The following OCA2 variants were observed in gnomAD, a reference collection of about 807,000 sequenced individuals.
OCA2 encodes P protein.
In OCA2, 77 loss-of-function variants were observed where a neutral mutation model predicts 100.2. That is an observed-to-expected ratio of 0.77 (90% CI 0.64 to 0.93). The LOEUF (loss-of-function observed/expected upper bound fraction) is 0.93. Among genes scored for constraint, OCA2 ranks in the 40% least tolerant of loss-of-function variants. The probability of loss-of-function intolerance (pLI) is 0.00; values close to 1 mark genes in which losing one functional copy is unlikely to be tolerated. For synonymous variants in OCA2, 432 were observed against 439.2 expected, an observed-to-expected ratio of 0.98 and a Z score of 0.21; for missense variants, 1,062 against 1,089.1, an observed-to-expected ratio of 0.98 and a Z score of 0.35.
chr15:27,953,483 T>C (rs574234100), intron 17 of OCA2, among the ~76,000 whole-genome samples: 13 of 152,264 alleles, frequency 8.5e-5, no homozygotes, highest in African/African-American at 2.2e-4. Flanking sequence ...CAAAGGAGCA[T>C]GGCAGGAAAA....
At chr15:27,905,029 T>C (rs2038118036) in intron 19 of OCA2, among the ~76,000 whole-genome samples, 1 of 151,810 alleles carries the variant, frequency 6.6e-6, no homozygotes, top group South Asian at 2.1e-4. Context: ...CCGGGCGTGG[T>C]GGTGGGTGCC....
rs1480431980 is a variant in OCA2, at chr15:27,957,039, C to G, written c.1784+549G>C. Among the ~76,000 whole-genome samples, 1 of 152,216 alleles carries G rather than the reference C, an allele frequency of 6.6e-6. No homozygotes were observed. The highest frequency in any genetic ancestry group is 1.5e-5 in the Non-Finnish European group (1 of 68,046). ...CTCCTGCTTCTTCTGTCTGAGCTTCCAGAACAAAGACTGCTTGGAACTCAG... is the reference window on the plus strand; with the variant it reads ...CTCCTGCTTCTTCTGTCTGAGCTTCGAGAACAAAGACTGCTTGGAACTCAG... On this transcript the variant is annotated intron_variant, in intron 16 of 23. Transcript: ENST00000354638. This position sits in a 1 kb window ranked among gnomAD's most constrained non-coding sequence, Gnocchi z 4.3.
Position 28,067,204 on chromosome 15 carries a change from CT to C in OCA2, c.227+14443del, listed in dbSNP as rs370676767. On this transcript the variant is annotated intron_variant, in intron 2 of 23. Transcript: ENST00000354638. ...TAAGGTGTCAACTCCATAAATTCATCTTATAGACTCAATGCCATTCCAATAA... is the reference window on the plus strand; with the variant it reads ...TAAGGTGTCAACTCCATAAATTCATCTATAGACTCAATGCCATTCCAATAA... Among the ~76,000 whole-genome samples, 33 of 152,318 alleles carry C rather than the reference CT, an allele frequency of 2.2e-4. No individual in the cohort carries two copies. The South Asian group carries it at 3.7e-3, about 17-fold the overall frequency.
In OCA2 at chr15:28,014,931, T is replaced by C; in HGVS notation, c.891-2A>G. The C allele has an allele frequency of 6.2e-7, 1 of 1,614,134 alleles. No homozygotes were observed. The highest frequency in any genetic ancestry group is 8.5e-7 in the Non-Finnish European group (1 of 1,180,024). ...CGGATGCTGATGGACACCGTCTCTC[T>C]GCAGAACGAAACAACGACCTTACTG... On this transcript the variant is annotated splice_acceptor_variant, in intron 8 of 23. Coordinates refer to ENST00000354638, the MANE Select transcript of OCA2 (RefSeq NM_000275.3). LOFTEE classifies it high-confidence loss of function.
At chr15:28,003,878 C>T (rs1403533009) in intron 9 of OCA2, among the ~76,000 whole-genome samples, 2 of 152,350 alleles carry the variant, frequency 1.3e-5, no homozygotes, top group Admixed American at 1.3e-4. Flanking sequence ...CTCCCTCCAC[C>T]GCGTCATGCT....
Position 28,079,775 on chromosome 15 carries a change from G to A in OCA2, c.227+1873C>T, listed in dbSNP as rs371638286. ...CCGACACCCCCTCCCCGTGCCCTGC[G>A]CAGGCTGTGGGGTCAGGGCACCCTC... On this transcript the variant is annotated intron_variant, in intron 2 of 23. Transcript: ENST00000354638. 5.1e-4 allele frequency among the ~76,000 whole-genome samples: 78 copies of A among 152,028 alleles called. No individual in the cohort carries two copies. In the East Asian group the frequency reaches 7.6e-3, roughly 15 times the overall value.
chr15:27,994,719 C>T (rs573825953), intron 9 of OCA2, among the ~76,000 whole-genome samples: 1 of 152,282 alleles, frequency 6.6e-6, no homozygotes, highest in South Asian at 2.1e-4. Context: ...ATGAACAGAG[C>T]CTGCAAAACA....
chr15:28,013,945 G>A (rs1015954301), intron 9 of OCA2, among the ~76,000 whole-genome samples: 3 of 152,218 alleles, frequency 2.0e-5, no homozygotes, highest in African/African-American at 7.2e-5. Context: ...GACAGGTGAG[G>A]GCTCAACTTA....
chr15:27,932,688 T>A (rs987857333), intron 18 of OCA2, among the ~76,000 whole-genome samples: 1 of 152,192 alleles, frequency 6.6e-6, no homozygotes, highest in Non-Finnish European at 1.5e-5. Context: ...GTTGTGGTGG[T>A]TTGTTTGCTT....
At chr15:27,944,679 C>T (rs1195813828) in intron 18 of OCA2, among the ~76,000 whole-genome samples, 2 of 152,170 alleles carry the variant, frequency 1.3e-5, no homozygotes, top group Non-Finnish European at 2.9e-5. Flanking sequence ...TCCCACACCC[C>T]TATGATTTAC....
chr15:27,721,164 G>A, the OCA2 span, among the ~76,000 whole-genome samples: 7 of 152,086 alleles, frequency 4.6e-5, no homozygotes, highest in East Asian at 1.9e-4. Flanking sequence ...TTTAAATTTC[G>A]CTTCTTTAAA....
intron 23 of OCA2, among the ~76,000 whole-genome samples, chr15:27,809,947 A>C (rs920756495): frequency 6.6e-6 from 1 of 152,244 alleles, no homozygotes; most frequent in East Asian, 1.9e-4. Context: ...CACTGCCTAC[A>C]GCAATCTACA....
chr15:27,959,060 G>A (rs1176539676), intron 15 of OCA2, among the ~76,000 whole-genome samples: 2 of 152,228 alleles, frequency 1.3e-5, no homozygotes, highest in African/African-American at 4.8e-5. Context: ...TAGGCAGAGG[G>A]AGGCAGTCTG....
intron 2 of OCA2, among the ~76,000 whole-genome samples, chr15:28,035,252 T>C (rs1406800480): frequency 1.3e-5 from 2 of 152,236 alleles, no homozygotes; most frequent in African/African-American, 4.8e-5. Flanking sequence ...TAATCATTTC[T>C]GAGCTTTTTT....
At chr15:28,031,997 C>A (rs1228188719) in intron 3 of OCA2, 68 bp downstream of exon 3, 2 of 1,206,638 alleles carry the variant, frequency 1.7e-6, no homozygotes, top group African/African-American at 3.0e-5. Flanking sequence ...GTCTCAAGTT[C>A]TCCAGCATAC....
the OCA2 span, among the ~76,000 whole-genome samples, chr15:27,725,272 G>A: frequency 6.6e-6 from 1 of 152,220 alleles, no homozygotes; most frequent in African/African-American, 2.4e-5. Context: ...GACATAGACT[G>A]TAGGCCAAGA....
intron 19 of OCA2, among the ~76,000 whole-genome samples, chr15:27,919,807 T>C (rs540204362): frequency 6.6e-6 from 1 of 152,162 alleles, no homozygotes; most frequent in South Asian, 2.1e-4. Flanking sequence ...TCAATTTAGG[T>C]TCATAAATCA....
intron 2 of OCA2, among the ~76,000 whole-genome samples, chr15:28,041,919 A>G (rs1439439739): frequency 1.3e-5 from 2 of 152,092 alleles, no homozygotes; most frequent in Non-Finnish European, 2.9e-5. Context: ...GTGAATGTGC[A>G]TGAGATGAGA....
intron 2 of OCA2, among the ~76,000 whole-genome samples, chr15:28,062,720 T>A (rs1391210400): frequency 1.3e-5 from 2 of 152,198 alleles, no homozygotes; most frequent in Non-Finnish European, 2.9e-5. Context: ...CCCTTTTGAG[T>A]TAATTTTTGT....
Sources: allele counts gnomAD v4.1 joint callset (sites outside exome capture counted in the v4.1 genomes callset), GRCh38; gene constraint gnomAD v4.1.1; non-coding constraint Gnocchi (gnomAD v3.1); transcripts MANE v1.5; gene names NCBI Gene and HGNC (gene_info 2026-07-23, HGNC 2026-07-21).